The following FBXW7 variants were observed in gnomAD, a reference collection of about 807,000 sequenced individuals.
The protein encoded by FBXW7 is F-box and WD repeat domain containing 7.
Under a neutral mutation model 86.3 loss-of-function variants are expected in FBXW7, and 11 were observed. That is an observed-to-expected ratio of 0.13 (90% confidence interval 0.08 to 0.21). The LOEUF is 0.21. FBXW7 is among the 10% of genes least tolerant of loss of function. The pLI is 1.00. For missense variants in FBXW7, 488 were observed against 847.4 expected (o/e 0.58, Z 5.27); for synonymous variants, 313 against 297.9 (o/e 1.05, Z -0.52).
chr4:152,433,462 T>C (rs1740090148), intron 2 of FBXW7, among the ~76,000 whole-genome samples: 1 of 152,246 alleles, frequency 6.6e-6, no homozygotes, highest in African/African-American at 2.4e-5. Flanking sequence ...TGGTGGCTAA[T>C]ATTATTGAGG....
At chr4:152,387,708 C>CTTTTTTTTTTTTTTTTTTTTTT (rs34073737) in intron 4 of FBXW7, among the ~76,000 whole-genome samples, 1 of 112,796 alleles carries the variant, frequency 8.9e-6, no homozygotes, top group African/African-American at 3.6e-5. Flanking sequence ...CATGGCATAC[C>CTTTTTTTTTTTTTTTTTTTTTT]TTTTTTTTTT....
intron 13 of FBXW7, chr4:152,323,434 T>C: frequency 4.5e-6 from 2 of 444,622 alleles, no homozygotes; most frequent in South Asian, 4.6e-5. Context: ...AACGACAGCA[T>C]TCCTTGGTGA....
chr4:152,383,264 C>G (rs1735250250), intron 4 of FBXW7, among the ~76,000 whole-genome samples: 1 of 152,086 alleles, frequency 6.6e-6, no homozygotes, highest in African/African-American at 2.4e-5. Context: ...TGCCTAATTT[C>G]TCCTTCACAG....
chr4:152,382,763 G>A (rs1303052784), intron 4 of FBXW7, among the ~76,000 whole-genome samples: 1 of 151,864 alleles, frequency 6.6e-6, no homozygotes, highest in Non-Finnish European at 1.5e-5. Context: ...AACAAACATT[G>A]TATCTTGAGT....
At chr4:152,489,384 TA>T (rs1745632826) in intron 2 of FBXW7, 1 of 153,076 alleles carries the variant, frequency 6.5e-6, no homozygotes, top group Non-Finnish European at 1.5e-5. Context: ...TCAGAATACA[TA>T]AAGCTTTTGG....
At chr4:152,391,945 T>C (rs1736030769) in intron 4 of FBXW7, among the ~76,000 whole-genome samples, 1 of 152,146 alleles carries the variant, frequency 6.6e-6, no homozygotes, top group Non-Finnish European at 1.5e-5. Context: ...TCTTTGTCAG[T>C]GTTTCAGATA....
chr4:152,333,285 A>C (rs1313361067), intron 7 of FBXW7, among the ~76,000 whole-genome samples: 1 of 152,162 alleles, frequency 6.6e-6, no homozygotes, highest in Non-Finnish European at 1.5e-5. Flanking sequence ...ACCATTCCAT[A>C]GACATATAAA....
At chr4:152,442,944 G>T (rs1031651094) in intron 2 of FBXW7, among the ~76,000 whole-genome samples, 2 of 152,148 alleles carry the variant, frequency 1.3e-5, no homozygotes, top group Non-Finnish European at 2.9e-5. Flanking sequence ...TACATTCTAG[G>T]TGAAGATTGA....
rs566895222 is a variant in FBXW7, at chr4:152,378,909, G to A, written c.502-28785C>T. Among the ~76,000 whole-genome samples the A allele has an allele frequency of 6.6e-5, 10 of 152,256 alleles. No homozygotes were observed. In the South Asian group the frequency reaches 2.1e-3, roughly 32 times the overall value. On this transcript the variant is annotated intron_variant, in intron 4 of 13. Coordinates refer to ENST00000281708, the MANE Select transcript of FBXW7 (RefSeq NM_001349798.2). ...TAGTCCCAGCTACTTGGGAGGCTGAGGTGGGAGGATCTCTTGCACCCAGGA... is the reference window on the plus strand; with the variant it reads ...TAGTCCCAGCTACTTGGGAGGCTGAAGTGGGAGGATCTCTTGCACCCAGGA...
chr4:152,490,616 C>T (rs561486920), intron 2 of FBXW7, among the ~76,000 whole-genome samples: 3 of 152,128 alleles, frequency 2.0e-5, no homozygotes, highest in Admixed American at 6.6e-5. Flanking sequence ...GTCTCTCAAG[C>T]AGCAGCATAA....
rs537598316 is a variant in FBXW7 at position 152,437,374 on chromosome 4, A to G, written c.-119-24845T>C. 2.0e-3 allele frequency among the ~76,000 whole-genome samples: 310 copies of G among 151,622 alleles called. 1 individual carries two copies. Among genetic ancestry groups the G allele is most frequent in the African/African-American group, 7.2e-3 (298 of 41,300 alleles). On this transcript the variant is annotated intron_variant, in intron 2 of 13. Coordinates refer to ENST00000281708, the MANE Select transcript of FBXW7 (RefSeq NM_001349798.2). ...AGCCTGGGAGACAGAGCCAGACTCC[A>G]TCTCAAAAAAAAAAAAAATTCAGTG...
rs2126879955 is a variant in FBXW7, at chr4:152,411,565, T to C, written c.239A>G (p.Asn80Ser). The change falls in exon 4 of 14, where the codon AAC becomes AGC. Residue 80 changes from asparagine (N) to serine (S), a missense_variant. Transcript: ENST00000281708. Reference protein sequence around the residue: ...NDSQQGQLEENNNRFISVDED... With the variant: ...NDSQQGQLEESNNRFISVDED... The stretch of plus-strand genomic sequence containing the variant: ...ATCTACCGAAATAAATCTATTATTG[T>C]TTTCTTCCAACTGTCCTTGCTGGGA... 1 of 1,613,980 alleles carries C rather than the reference T, an allele frequency of 6.2e-7. No individual in the cohort carries two copies. The highest frequency in any genetic ancestry group is 8.5e-7 in the Non-Finnish European group (1 of 1,179,936).
At position 152,320,559 on chromosome 4, in the gene FBXW7, CTTTA is replaced by C. The variant is rs1445707538; in HGVS notation, c.*2318_*2321del. ...TATTTAGAACTAGTTTCAAAAACAA[CTTTA>C]TTTTTTCCCCTTACATCATAAAATT... On this transcript the variant is annotated 3_prime_UTR_variant, in exon 14 of 14. Coordinates refer to ENST00000281708, the MANE Select transcript of FBXW7 (RefSeq NM_001349798.2). 3 of 151,170 alleles carry C rather than the reference CTTTA, an allele frequency of 2.0e-5. No homozygotes were observed. Among genetic ancestry groups the C allele is most frequent in the Non-Finnish European group, 4.4e-5 (3 of 67,878 alleles). 9.4% of individuals were successfully genotyped at this position (151,170 alleles called of 1,614,324 possible). A position where few individuals can be genotyped will look rare whatever the true frequency, so the allele number is the denominator to read the frequency against.
chr4:152,398,547 A>T (rs535338383), intron 4 of FBXW7, among the ~76,000 whole-genome samples: 42 of 152,158 alleles, frequency 2.8e-4, no homozygotes, highest in African/African-American at 9.9e-4. Flanking sequence ...ATGAAAAAAA[A>T]TAGCATTTTA....
chr4:152,350,376 T>C (rs916696190), intron 4 of FBXW7, among the ~76,000 whole-genome samples: 20 of 151,676 alleles, frequency 1.3e-4, no homozygotes, highest in Admixed American at 6.6e-5. Context: ...AAACTGATAT[T>C]CATTATATAT....
chr4:152,521,045 C>G (rs1466307611), intron 2 of FBXW7, among the ~76,000 whole-genome samples: 2 of 151,756 alleles, frequency 1.3e-5, no homozygotes, highest in African/African-American at 4.9e-5. Context: ...TATTTAAAAG[C>G]TTTCCAGTTT....
chr4:152,323,033 G>T lies in FBXW7; in HGVS notation c.1972C>A (p.Arg658=), dbSNP rs144247898. 1 of 1,613,706 alleles carries T rather than the reference G, an allele frequency of 6.2e-7. No homozygotes were observed. The highest frequency in any genetic ancestry group is 8.5e-7 in the Non-Finnish European group (1 of 1,179,796). ...CCACTCTCCAATGTGACTAGGTTTCGAATAAATTCACCCGTTTTCAAGTCC... is the reference window on the plus strand; with the variant it reads ...CCACTCTCCAATGTGACTAGGTTTCTAATAAATTCACCCGTTTTCAAGTCC... ...LWDLKTGEFI[R]NLVTLESGGS... Residue 658 remains arginine, a synonymous_variant, in exon 14 of 14, where the codon CGA becomes AGA. Coordinates refer to ENST00000281708, the MANE Select transcript of FBXW7 (RefSeq NM_001349798.2).
At chr4:152,442,868 T>A (rs1741028021) in intron 2 of FBXW7, among the ~76,000 whole-genome samples, 1 of 152,182 alleles carries the variant, frequency 6.6e-6, no homozygotes, top group Non-Finnish European at 1.5e-5. Context: ...CTTAATATGA[T>A]CTCAGGAAAG....
At chr4:152,325,519 C>T (rs1728942063) in intron 12 of FBXW7, 1 of 152,344 alleles carries the variant, frequency 6.6e-6, no homozygotes, top group Non-Finnish European at 1.5e-5. Flanking sequence ...GTCAACTTTA[C>T]TTCTTTATGA....
Sources: gnomAD v4.1 joint callset for allele counts (sites outside exome capture counted in the v4.1 genomes callset) on GRCh38, gnomAD v4.1.1 for gene constraint, MANE v1.5 for transcripts, NCBI Gene and HGNC (gene_info 2026-07-23, HGNC 2026-07-21) for gene names.